ADAMTS6: variants seen among roughly 807,000 people sequenced by gnomAD.
ADAMTS6 encodes the protein ADAM metallopeptidase with thrombospondin type 1 motif 6, also known as A disintegrin and metalloproteinase with thrombospondin motifs 6.
In ADAMTS6, 23 loss-of-function variants were observed where a neutral mutation model predicts 144.3. The observed-to-expected ratio is 0.16, with a 90% confidence interval of 0.11 to 0.23. The LOEUF (loss-of-function observed/expected upper bound fraction) is 0.23. Ranked by LOEUF, ADAMTS6 falls within the 10% of genes least tolerant of loss-of-function variation. The pLI is 1.00. For missense variants in ADAMTS6, 999 were observed against 1,379.6 expected (o/e 0.72, Z 4.37); for synonymous variants, 444 against 457.5 (o/e 0.97, Z 0.38).
intron 7 of ADAMTS6, among the ~76,000 whole-genome samples, chr5:65,407,677 T>C (rs930758565): frequency 1.1e-4 from 17 of 152,196 alleles, no homozygotes; most frequent in African/African-American, 4.1e-4. Context: ...CTCATCATTT[T>C]TTATGGCTGC....
chr5:65,209,528 G>A (rs187193778), intron 20 of ADAMTS6, among the ~76,000 whole-genome samples: 1 of 152,154 alleles, frequency 6.6e-6, no homozygotes, highest in Non-Finnish European at 1.5e-5. Context: ...CCATTACTTG[G>A]ACTGAATCAC....
At position 65,455,378 on chromosome 5, in the gene ADAMTS6, C is replaced by T. The variant is rs370158635; in HGVS notation, c.632-2460G>A. 4.6e-5 allele frequency among the ~76,000 whole-genome samples: 7 copies of T among 152,082 alleles called. No individual in the cohort carries two copies. The East Asian group carries it at 5.8e-4, about 13-fold the overall frequency. On this transcript the variant is annotated intron_variant, in intron 4 of 24. Coordinates refer to ENST00000381055, the MANE Select transcript of ADAMTS6 (RefSeq NM_197941.4). ...TCAACATGGTGAAACCTTGTCTCTA[C>T]TTAAAATACAAAAATTAGCCAGATG... is the stretch of plus-strand genomic sequence containing the variant.
At chr5:65,409,430 C>T (rs1754862502) in intron 7 of ADAMTS6, among the ~76,000 whole-genome samples, 1 of 152,154 alleles carries the variant, frequency 6.6e-6, no homozygotes, top group African/African-American at 2.4e-5. Context: ...CACATACACC[C>T]TCCCAAGACT....
intron 7 of ADAMTS6, among the ~76,000 whole-genome samples, chr5:65,340,949 T>G (rs1399917035): frequency 1.3e-5 from 2 of 151,970 alleles, no homozygotes; most frequent in Non-Finnish European, 2.9e-5. Flanking sequence ...AGAGCAAATA[T>G]TATCAGATCT....
intron 18 of ADAMTS6, among the ~76,000 whole-genome samples, chr5:65,217,151 C>A (rs1430764835): frequency 6.6e-6 from 1 of 152,102 alleles, no homozygotes; most frequent in Non-Finnish European, 1.5e-5. Context: ...ATCTAATTAA[C>A]CTTTTGAGAT....
chr5:65,260,068 A>G (rs1471699894), intron 14 of ADAMTS6, among the ~76,000 whole-genome samples: 2 of 152,174 alleles, frequency 1.3e-5, no homozygotes, highest in Non-Finnish European at 2.9e-5. Context: ...AGTTTCCATT[A>G]AAGTAAGAAG....
chr5:65,458,688 G>A (rs1335330045), intron 4 of ADAMTS6, among the ~76,000 whole-genome samples: 2 of 152,176 alleles, frequency 1.3e-5, no homozygotes, highest in Non-Finnish European at 2.9e-5. Flanking sequence ...GGGATTACAG[G>A]CGTGAGCCAC....
intron 7 of ADAMTS6, among the ~76,000 whole-genome samples, chr5:65,357,071 TA>T (rs1054685388): frequency 6.6e-6 from 1 of 151,656 alleles, no homozygotes; most frequent in Non-Finnish European, 1.5e-5. Flanking sequence ...AATAAAAGCA[TA>T]AATAATAGAA....
At chr5:65,171,513 A>G (rs1377127107) in intron 23 of ADAMTS6, among the ~76,000 whole-genome samples, 1 of 152,192 alleles carries the variant, frequency 6.6e-6, no homozygotes, top group African/African-American at 2.4e-5. Context: ...CTCTAGCAGG[A>G]GTGTCATGAG....
At chr5:65,268,472 C>A (rs887316800) in intron 12 of ADAMTS6, among the ~76,000 whole-genome samples, 1 of 152,126 alleles carries the variant, frequency 6.6e-6, no homozygotes, top group African/African-American at 2.4e-5. Flanking sequence ...GATGCTGTAT[C>A]CAAGGAAAGC....
At chr5:65,337,876 T>C (rs1376716585) in intron 7 of ADAMTS6, among the ~76,000 whole-genome samples, 1 of 152,162 alleles carries the variant, frequency 6.6e-6, no homozygotes, top group African/African-American at 2.4e-5. Flanking sequence ...ATCCCAAATA[T>C]ATAATTGGTA....
intron 8 of ADAMTS6, among the ~76,000 whole-genome samples, chr5:65,333,286 T>C (rs1358371871): frequency 6.6e-6 from 1 of 152,094 alleles, no homozygotes; most frequent in South Asian, 2.1e-4. Context: ...TTTAGACTAC[T>C]GGAGAGCTAC....
intron 22 of ADAMTS6, among the ~76,000 whole-genome samples, chr5:65,173,706 CT>C (rs1229892040): frequency 6.6e-6 from 1 of 152,122 alleles, no homozygotes; most frequent in African/African-American, 2.4e-5. Flanking sequence ...GCTTTCTCCC[CT>C]GTATGTCTGG....
intron 7 of ADAMTS6, chr5:65,415,953 A>G: frequency 5.6e-6 from 1 of 179,778 alleles, no homozygotes; most frequent in South Asian, 1.0e-4. Flanking sequence ...CACTGGGATC[A>G]TCTCAGCCCC....
chr5:65,299,847 G>A, intron 10 of ADAMTS6, 138 bp downstream of exon 10: 1 of 899,692 alleles, frequency 1.1e-6, no homozygotes, highest in South Asian at 2.4e-5. Flanking sequence ...ATATATTAAA[G>A]TATTTAGGAA....
chr5:65,443,280 A>G (rs1255892350), intron 7 of ADAMTS6, among the ~76,000 whole-genome samples: 1 of 152,198 alleles, frequency 6.6e-6, no homozygotes, highest in East Asian at 1.9e-4. Flanking sequence ...AACTACATTA[A>G]AAGAATAATA....
intron 7 of ADAMTS6, among the ~76,000 whole-genome samples, chr5:65,362,197 G>C (rs1270850127): frequency 6.6e-6 from 1 of 152,180 alleles, no homozygotes; most frequent in Non-Finnish European, 1.5e-5. Flanking sequence ...TGAGGCTGTG[G>C]TTGGCTGAAA....
chr5:65,237,768 A>C (rs1407869277), intron 15 of ADAMTS6, among the ~76,000 whole-genome samples: 3 of 152,182 alleles, frequency 2.0e-5, no homozygotes, highest in African/African-American at 7.2e-5. Context: ...CATCATGATC[A>C]CATGGGGTTT....
rs1278686686 is a variant in ADAMTS6 at position 65,198,184 on chromosome 5, C to A, written c.2576-1033G>T. Reference sequence around the variant, plus strand: ...AATAGAAATAAAAGCACACACTAAGCTATTCCCCCACTCACCCACCCCATC... The same window carrying A: ...AATAGAAATAAAAGCACACACTAAGATATTCCCCCACTCACCCACCCCATC... On this transcript the variant is annotated intron_variant, in intron 20 of 24. Transcript: ENST00000381055. Among the ~76,000 whole-genome samples the A allele has an allele frequency of 2.6e-5, 4 of 152,142 alleles. No individual in the cohort carries two copies. The East Asian group carries it at 5.8e-4, about 22-fold the overall frequency.
Sources: gnomAD v4.1 joint callset for allele counts (sites outside exome capture counted in the v4.1 genomes callset) on GRCh38, gnomAD v4.1.1 for gene constraint, MANE v1.5 for transcripts, NCBI Gene and HGNC (gene_info 2026-07-23, HGNC 2026-07-21) for gene names.